Variants in SOX6 observed in about 807,000 individuals in gnomAD.
SOX6 encodes the protein SRY-box transcription factor 6.
In SOX6, 11 loss-of-function variants were observed where a neutral mutation model predicts 97.8. The observed-to-expected ratio is 0.11, with a 90% CI of 0.07 to 0.19. The LOEUF (loss-of-function observed/expected upper bound fraction) is 0.19, where lower values mean the gene tolerates loss of function less well. Among genes scored for constraint, SOX6 ranks in the 10% least tolerant of loss-of-function variants. The pLI, the probability that SOX6 is intolerant of heterozygous loss-of-function variation, is 1.00. For synonymous variants in SOX6, 360 were observed against 371.4 expected (o/e 0.97, Z 0.35); for missense variants, 810 against 1,039.5 (o/e 0.78, Z 3.04).
intron 6 of SOX6, among the ~76,000 whole-genome samples, chr11:16,176,201 G>C (rs1431774154): frequency 6.6e-6 from 1 of 151,724 alleles, no homozygotes; most frequent in African/African-American, 2.4e-5. Context: ...ACCCTGTATA[G>C]AGCAGTATTT....
At chr11:16,373,880 GAA>G (rs1857571474) in intron 1 of SOX6, among the ~76,000 whole-genome samples, 2 of 9,082 alleles carry the variant, frequency 2.2e-4, no homozygotes, top group Non-Finnish European at 8.1e-4. Flanking sequence ...AGGAAGGAAG[GAA>G]GGAAGGGAGG....
At chr11:16,111,115 T>C (rs1173995886) in intron 7 of SOX6, among the ~76,000 whole-genome samples, 1 of 152,220 alleles carries the variant, frequency 6.6e-6, no homozygotes, top group Non-Finnish European at 1.5e-5. Context: ...TCTTTAAACA[T>C]TTAAAGCCCT....
chr11:16,088,904 A>T (rs1312593264), intron 9 of SOX6, among the ~76,000 whole-genome samples: 1 of 152,156 alleles, frequency 6.6e-6, no homozygotes, highest in African/African-American at 2.4e-5. Context: ...TTTTTCATAC[A>T]TATCTGTCAC....
chr11:16,729,470 A>G (rs1378017299), intron 2 of SOX6, among the ~76,000 whole-genome samples: 4 of 152,226 alleles, frequency 2.6e-5, no homozygotes, highest in Non-Finnish European at 4.4e-5. Context: ...TTTCATATCC[A>G]GCCAAACTAA....
At chr11:16,500,333 GA>G (rs1860682851) in intron 4 of SOX6, among the ~76,000 whole-genome samples, 1 of 152,164 alleles carries the variant, frequency 6.6e-6, no homozygotes, top group Non-Finnish European at 1.5e-5. Context: ...AGCTATCTAT[GA>G]GAAACCCACA....
chr11:16,143,959 C>A (rs534939942), intron 6 of SOX6, among the ~76,000 whole-genome samples: 1 of 152,228 alleles, frequency 6.6e-6, no homozygotes, highest in Non-Finnish European at 1.5e-5. Context: ...AGAAAGTTAA[C>A]AAGGATATCC....
chr11:16,376,569 C>A (rs1857646477), intron 1 of SOX6, among the ~76,000 whole-genome samples: 1 of 152,024 alleles, frequency 6.6e-6, no homozygotes, highest in African/African-American at 2.4e-5. Flanking sequence ...AGATGGGTAC[C>A]AGGAATACAG....
intron 4 of SOX6, among the ~76,000 whole-genome samples, chr11:16,191,701 A>G (rs1032760684): frequency 6.6e-6 from 1 of 152,108 alleles, no homozygotes; most frequent in African/African-American, 2.4e-5. Context: ...ACAAACCACA[A>G]AAAGGGAACC....
At chr11:16,555,611 T>C (rs1411778816) in intron 4 of SOX6, among the ~76,000 whole-genome samples, 14 of 151,664 alleles carry the variant, frequency 9.2e-5, no homozygotes, top group Admixed American at 9.2e-4. Flanking sequence ...CAATAAATTA[T>C]TTGTAACTAT....
chr11:16,106,171 A>G (rs1849078580), intron 7 of SOX6, among the ~76,000 whole-genome samples: 1 of 152,094 alleles, frequency 6.6e-6, no homozygotes, highest in South Asian at 2.1e-4. Context: ...CAAAATTACA[A>G]CAACCTATTT....
intron 4 of SOX6, among the ~76,000 whole-genome samples, chr11:16,214,334 C>G (rs1035693131): frequency 6.6e-6 from 1 of 152,176 alleles, no homozygotes. Context: ...CTCTCAAGTA[C>G]TATTTGTAGT....
intron 1 of SOX6, among the ~76,000 whole-genome samples, chr11:16,388,128 C>T (rs1293092828): frequency 6.6e-6 from 1 of 152,058 alleles, no homozygotes; most frequent in African/African-American, 2.4e-5. Flanking sequence ...TCCTAGATTG[C>T]TGGGAGTTTT....
intron 4 of SOX6, among the ~76,000 whole-genome samples, chr11:16,492,289 TCTGA>T (rs1001032434): frequency 2.6e-5 from 4 of 152,182 alleles, no homozygotes; most frequent in African/African-American, 7.2e-5. Flanking sequence ...CTGGACCAGT[TCTGA>T]TTTTAGCCAG....
chr11:16,598,804 C>G (rs753302382), intron 4 of SOX6, among the ~76,000 whole-genome samples: 3 of 151,990 alleles, frequency 2.0e-5, no homozygotes, highest in Non-Finnish European at 4.4e-5. Context: ...AAATCACAAA[C>G]AGCATAAAGT....
At chr11:16,350,236 G>A (rs1856904190) in intron 1 of SOX6, among the ~76,000 whole-genome samples, 1 of 152,132 alleles carries the variant, frequency 6.6e-6, no homozygotes, top group African/African-American at 2.4e-5. Context: ...TTATTACGAA[G>A]GAGTAGAGGA....
chr11:16,403,454 T>C (rs929109893), intron 1 of SOX6, among the ~76,000 whole-genome samples: 20 of 151,750 alleles, frequency 1.3e-4, no homozygotes, highest in African/African-American at 4.4e-4. Flanking sequence ...TAGTTTTGTT[T>C]AAAAGTAACA....
chr11:16,174,034 CTT>C (rs76988026), intron 6 of SOX6, among the ~76,000 whole-genome samples: 12 of 131,998 alleles, frequency 9.1e-5, no homozygotes, highest in East Asian at 6.4e-4. Context: ...TCCTTTGTTT[CTT>C]TTTTTTTTTT....
intron 4 of SOX6, among the ~76,000 whole-genome samples, chr11:16,543,557 C>T (rs1861439705): frequency 6.6e-6 from 1 of 151,986 alleles, no homozygotes; most frequent in Non-Finnish European, 1.5e-5. Context: ...CTAAGTAGGG[C>T]CTACTACCTA....
At chr11:16,366,491 T>C (rs1857361409) in intron 1 of SOX6, among the ~76,000 whole-genome samples, 1 of 152,120 alleles carries the variant, frequency 6.6e-6, no homozygotes, top group African/African-American at 2.4e-5. Flanking sequence ...CCACAATCTA[T>C]AATGATAACA....
Sources: allele counts gnomAD v4.1 joint callset (sites outside exome capture counted in the v4.1 genomes callset), GRCh38; gene constraint gnomAD v4.1.1; transcripts MANE v1.5; gene names NCBI Gene and HGNC (gene_info 2026-07-23, HGNC 2026-07-21).